Variants in MYO16 observed in about 807,000 individuals in gnomAD.
MYO16 encodes unconventional myosin-XVI.
In MYO16, 94 loss-of-function variants were observed where a neutral mutation model predicts 205.3. The ratio of observed to expected loss-of-function variants is 0.46; its 90% confidence interval spans 0.39 to 0.54. The LOEUF (loss-of-function observed/expected upper bound fraction) is 0.54, where lower values mean the gene tolerates loss of function less well. MYO16 is among the 20% of genes least tolerant of loss of function. The pLI, the probability that MYO16 is intolerant of heterozygous loss-of-function variation, is 0.00. For missense variants in MYO16, 2,315 were observed against 2,387.5 expected (o/e 0.97, Z 0.63); for synonymous variants, 988 against 954.0 (o/e 1.04, Z -0.66).
chr13:108,649,001 A>C (rs1033573957), intron 1 of MYO16, among the ~76,000 whole-genome samples: 2 of 151,054 alleles, frequency 1.3e-5, no homozygotes, highest in Non-Finnish European at 2.9e-5. Flanking sequence ...GCTGATATTT[A>C]AACAACAGAG....
chr13:108,876,295 T>G (rs1353358877), intron 12 of MYO16, among the ~76,000 whole-genome samples: 1 of 152,206 alleles, frequency 6.6e-6, no homozygotes, highest in African/African-American at 2.4e-5. Context: ...CATTTAAAAT[T>G]AAAAGTGCTG....
the MYO16 span, among the ~76,000 whole-genome samples, chr13:108,568,746 G>A: frequency 6.6e-6 from 1 of 151,728 alleles, no homozygotes; most frequent in Non-Finnish European, 1.5e-5. Flanking sequence ...TTCTTTTGAT[G>A]TCATATCTAA....
chr13:109,141,186 A>C lies in MYO16; in HGVS notation c.4974A>C (p.Pro1658=). 6.2e-7 allele frequency: 1 copy of C among 1,607,794 alleles called. No homozygotes were observed. ...CCTGCAGCTCCTTCCCCAAGATCCC[A>C]TATTCCCCCGTGAAGGCCACCAGGG... ...AGPCSSFPKI[P]YSPVKATRAD... The change falls in exon 32 of 35, where the codon CCA becomes CCC. Residue 1658 remains proline (P), a synonymous_variant. Coordinates refer to ENST00000457511, the MANE Select transcript of MYO16 (RefSeq NM_001198950.3). This position sits in a 1 kb window ranked among gnomAD's most constrained non-coding sequence, Gnocchi z 4.1.
At chr13:108,660,476 TA>T in intron 1 of MYO16, among the ~76,000 whole-genome samples, 1 of 152,244 alleles carries the variant, frequency 6.6e-6, no homozygotes, top group African/African-American at 2.4e-5. Flanking sequence ...CATATATATT[TA>T]GGATTGTGAT....
chr13:109,153,494 G>A (rs1180612838), intron 32 of MYO16, among the ~76,000 whole-genome samples: 2 of 152,086 alleles, frequency 1.3e-5, no homozygotes, highest in East Asian at 1.9e-4. Context: ...CTGGCTGGGC[G>A]AGGTGGCTCA....
chr13:108,507,743 A>G, the MYO16 span, among the ~76,000 whole-genome samples: 131 of 152,250 alleles, frequency 8.6e-4, 1 homozygote, highest in Non-Finnish European at 1.3e-3. Flanking sequence ...TGGGTCTCTC[A>G]TAATGCATAT....
At chr13:108,941,798 T>G (rs111463484) in intron 16 of MYO16, among the ~76,000 whole-genome samples, 57 of 152,228 alleles carry the variant, frequency 3.7e-4, no homozygotes, top group African/African-American at 1.2e-3. Flanking sequence ...AAACATTGAT[T>G]CAAACAAGAG....
intron 8 of MYO16, among the ~76,000 whole-genome samples, chr13:108,822,399 T>G (rs1876026638): frequency 6.6e-6 from 1 of 152,134 alleles, no homozygotes; most frequent in Non-Finnish European, 1.5e-5. Context: ...GGTCACACAG[T>G]CTGGTCCTGA....
intron 23 of MYO16, among the ~76,000 whole-genome samples, chr13:109,029,112 C>CTTTTTTTTT (rs200871485): frequency 1.7e-4 from 17 of 98,412 alleles, no homozygotes; most frequent in East Asian, 3.1e-4. Flanking sequence ...TTTTTCTTTT[C>CTTTTTTTTT]TTTTTTTTTT....
intron 3 of MYO16, among the ~76,000 whole-genome samples, chr13:108,722,756 C>T (rs1286928521): frequency 1.3e-5 from 2 of 152,094 alleles, no homozygotes. Flanking sequence ...ATTCTAACAT[C>T]AAATTTATTG....
At chr13:108,844,550 A>G in intron 10 of MYO16, 57 bp downstream of exon 10, 5 of 1,476,850 alleles carry the variant, frequency 3.4e-6, no homozygotes, top group Non-Finnish European at 2.7e-6. Flanking sequence ...GTAATGTATT[A>G]TAAAATCCAA....
intron 5 of MYO16, among the ~76,000 whole-genome samples, chr13:108,790,891 T>A (rs2138937649): frequency 6.6e-6 from 1 of 152,322 alleles, no homozygotes; most frequent in East Asian, 1.9e-4. Flanking sequence ...TACTTGTTTT[T>A]AATCTTGTTG....
At chr13:108,556,547 T>C in the MYO16 span, among the ~76,000 whole-genome samples, 5 of 152,280 alleles carry the variant, frequency 3.3e-5, no homozygotes, top group East Asian at 7.7e-4. Flanking sequence ...TCATCAGATA[T>C]ATGGGTTGCT....
At chr13:108,880,191 C>T (rs943156649) in intron 12 of MYO16, among the ~76,000 whole-genome samples, 1 of 152,252 alleles carries the variant, frequency 6.6e-6, no homozygotes, top group South Asian at 2.1e-4. Flanking sequence ...TATCCTTTGG[C>T]CACTTTTTGA....
intron 16 of MYO16, among the ~76,000 whole-genome samples, chr13:108,916,714 C>T (rs1264893026): frequency 6.6e-6 from 1 of 152,182 alleles, no homozygotes; most frequent in Non-Finnish European, 1.5e-5. Flanking sequence ...AAGGACATTT[C>T]ACTTTGAAAT....
intron 20 of MYO16, among the ~76,000 whole-genome samples, chr13:108,972,162 ATT>A (rs1349443697): frequency 8.2e-6 from 1 of 121,390 alleles, no homozygotes; most frequent in African/African-American, 3.3e-5. Flanking sequence ...GTGAGTCATG[ATT>A]GCACCACTCC....
At chr13:108,572,691 G>A in the MYO16 span, among the ~76,000 whole-genome samples, 1 of 152,184 alleles carries the variant, frequency 6.6e-6, no homozygotes, top group East Asian at 1.9e-4. Flanking sequence ...TACTGAAAAT[G>A]TTACTCTTCT....
At chr13:108,722,231 G>A (rs1043369821) in intron 3 of MYO16, among the ~76,000 whole-genome samples, 2 of 152,164 alleles carry the variant, frequency 1.3e-5, no homozygotes, top group East Asian at 1.9e-4. Context: ...TGTGGGTTCA[G>A]TCACTTTCTT....
chr13:108,916,080 T>C lies in MYO16; in HGVS notation c.1925+5930T>C, dbSNP rs537498908. On this transcript the variant is annotated intron_variant, in intron 16 of 34. Coordinates refer to ENST00000457511, the MANE Select transcript of MYO16 (RefSeq NM_001198950.3). ...ATTTGGAGGTGAGTCTTCATAATTA[T>C]GTGCTATAATAAGCTGTTTACTTAG... Among the ~76,000 whole-genome samples, 15 of 152,162 alleles carry C rather than the reference T, an allele frequency of 9.9e-5. No homozygotes were observed. The South Asian group carries it at 1.4e-3, about 15-fold the overall frequency.
Sources: allele counts gnomAD v4.1 joint callset (sites outside exome capture counted in the v4.1 genomes callset), GRCh38; gene constraint gnomAD v4.1.1; non-coding constraint Gnocchi (gnomAD v3.1); transcripts MANE v1.5; gene names NCBI Gene and HGNC (gene_info 2026-07-23, HGNC 2026-07-21).